The following TRPC6 variants were observed in gnomAD, a reference collection of about 807,000 sequenced individuals.
TRPC6 encodes short transient receptor potential channel 6.
A neutral mutation model predicts 90.7 loss-of-function variants in TRPC6; 55 were observed. The ratio of observed to expected loss-of-function variants is 0.61; its 90% CI spans 0.49 to 0.76. The LOEUF (loss-of-function observed/expected upper bound fraction) is 0.76. TRPC6 is among the 30% of genes least tolerant of loss of function. The probability of loss-of-function intolerance (pLI) is 0.00; values close to 1 mark genes in which losing one functional copy is unlikely to be tolerated. For missense variants in TRPC6, 989 were observed against 1,122.7 expected (o/e 0.88, Z 1.70); for synonymous variants, 393 against 393.0 (o/e 1.00, Z 0.00).
chr11:101,469,126 C>A (rs773252477), intron 10 of TRPC6, among the ~76,000 whole-genome samples: 17 of 152,176 alleles, frequency 1.1e-4, no homozygotes, highest in Non-Finnish European at 2.4e-4. Flanking sequence ...TTAATCATAC[C>A]CTCCATCAGG....
intron 7 of TRPC6, among the ~76,000 whole-genome samples, chr11:101,472,861 CTG>C (rs1859324366): frequency 1.3e-5 from 2 of 152,020 alleles, no homozygotes. Context: ...CCCTGGCAAA[CTG>C]TATTTTAGAG....
intron 1 of TRPC6, among the ~76,000 whole-genome samples, chr11:101,559,777 CT>C (rs66718793): frequency 0.079 from 9,917 of 125,002 alleles, 502 homozygotes; most frequent in Middle Eastern, 0.11. Context: ...AATGCTATCC[CT>C]CCCCCCTCCC....
rs183339639 is a variant in TRPC6, at chr11:101,480,736, G to A, written c.1510+2213C>T. On this transcript the variant is annotated intron_variant, in intron 5 of 12. Transcript: ENST00000344327. Reference sequence around the variant, plus strand: ...TATCTGAAATTTCTTGAACATGTCCGTTGTGCCAAGTACTGTATTATTTAC... The same window carrying A: ...TATCTGAAATTTCTTGAACATGTCCATTGTGCCAAGTACTGTATTATTTAC... 3.6e-3 allele frequency among the ~76,000 whole-genome samples: 554 copies of A among 152,156 alleles called. 6 individuals are homozygous for A. The highest frequency in any genetic ancestry group is 0.012 in the South Asian group (59 of 4,814).
intron 6 of TRPC6, among the ~76,000 whole-genome samples, chr11:101,476,086 G>A (rs1180609502): frequency 6.6e-6 from 1 of 152,152 alleles, no homozygotes; most frequent in African/African-American, 2.4e-5. Context: ...AGGGAGATGA[G>A]TCTTGTGATT....
At chr11:101,468,050 C>G (rs986763808) in intron 10 of TRPC6, among the ~76,000 whole-genome samples, 1 of 152,194 alleles carries the variant, frequency 6.6e-6, no homozygotes, top group Non-Finnish European at 1.5e-5. Flanking sequence ...TGCAATGACC[C>G]TAATCTGCTG....
Position 101,504,602 on chromosome 11 carries a change from A to AGT in TRPC6, c.365_366dup (p.Ser123ThrfsTer46). 1 of 1,613,898 alleles carries AGT rather than the reference A, an allele frequency of 6.2e-7. No individual in the cohort carries two copies. Among genetic ancestry groups the AGT allele is most frequent in the Non-Finnish European group, 8.5e-7 (1 of 1,179,828 alleles). On this transcript the variant is annotated frameshift_variant, in exon 2 of 13. Transcript: ENST00000344327. LOFTEE classifies it high-confidence loss of function. ...TAATCCACACAGTTAACGTTGAGTGAGTGGCATTCTTCTAACATCTTCCGC... is the reference window on the plus strand; with the variant it reads ...TAATCCACACAGTTAACGTTGAGTGAGTGTGGCATTCTTCTAACATCTTCCGC...
intron 5 of TRPC6, among the ~76,000 whole-genome samples, chr11:101,478,669 C>G (rs1859472329): frequency 6.6e-6 from 1 of 152,096 alleles, no homozygotes; most frequent in African/African-American, 2.4e-5. Flanking sequence ...CGCATCAAGT[C>G]CAAGCTTGCC....
chr11:101,525,863 G>A (rs929402665), intron 1 of TRPC6, among the ~76,000 whole-genome samples: 2 of 152,170 alleles, frequency 1.3e-5, no homozygotes, highest in Admixed American at 1.3e-4. Flanking sequence ...AAGAGACTAT[G>A]GCTACAAGCC....
intron 10 of TRPC6, among the ~76,000 whole-genome samples, chr11:101,457,929 A>G (rs1858922352): frequency 6.6e-6 from 1 of 152,208 alleles, no homozygotes; most frequent in South Asian, 2.1e-4. Flanking sequence ...ACTTTAATCT[A>G]CACATACCCC....
intron 10 of TRPC6, among the ~76,000 whole-genome samples, chr11:101,465,936 G>A (rs1591525253): frequency 6.6e-6 from 1 of 152,152 alleles, no homozygotes; most frequent in Non-Finnish European, 1.5e-5. Context: ...CACCATCTTT[G>A]TGGATTTATC....
chr11:101,538,580 T>C (rs1472641933), intron 1 of TRPC6, among the ~76,000 whole-genome samples: 2 of 152,210 alleles, frequency 1.3e-5, no homozygotes, highest in African/African-American at 4.8e-5. Context: ...TAATTAAGGT[T>C]ATAGACTATG....
intron 1 of TRPC6, among the ~76,000 whole-genome samples, chr11:101,560,438 T>G (rs1052463319): frequency 3.3e-5 from 5 of 152,152 alleles, no homozygotes; most frequent in Admixed American, 1.3e-4. Context: ...TTACATCAGA[T>G]TTGCTTTACT....
At chr11:101,496,569 T>C (rs1859953945) in intron 2 of TRPC6, among the ~76,000 whole-genome samples, 1 of 152,226 alleles carries the variant, frequency 6.6e-6, no homozygotes, top group African/African-American at 2.4e-5. Context: ...TCAGCCTTTT[T>C]CTATTGATTG....
At chr11:101,581,484 T>C (rs749325099) in intron 1 of TRPC6, among the ~76,000 whole-genome samples, 1 of 152,202 alleles carries the variant, frequency 6.6e-6, no homozygotes, top group Non-Finnish European at 1.5e-5. Context: ...CAAGTGATTA[T>C]ATGGATTACA....
chr11:101,550,432 G>A (rs1264400398), intron 1 of TRPC6, among the ~76,000 whole-genome samples: 1 of 151,640 alleles, frequency 6.6e-6, no homozygotes, highest in Non-Finnish European at 1.5e-5. Context: ...TTAGAGTGCA[G>A]ATTTATTGAT....
intron 4 of TRPC6, among the ~76,000 whole-genome samples, chr11:101,487,123 T>C (rs2136698514): frequency 6.6e-6 from 1 of 152,234 alleles, no homozygotes; most frequent in Admixed American, 6.5e-5. Context: ...TTGCCAAAAA[T>C]AGTCTGTGTC....
In TRPC6 at chr11:101,524,373, C is replaced by T. The variant is rs138303769; in HGVS notation, c.171-19575G>A. Reference sequence around the variant, plus strand: ...ACGCCATTCTACTGCCTCAGCCTCCCGAGTAGCTGGGACTACAGGCGCCTG... The same window carrying T: ...ACGCCATTCTACTGCCTCAGCCTCCTGAGTAGCTGGGACTACAGGCGCCTG... On this transcript the variant is annotated intron_variant, in intron 1 of 12. Transcript: ENST00000344327. Among the ~76,000 whole-genome samples, 687 of 152,292 alleles carry T rather than the reference C, an allele frequency of 4.5e-3. 6 individuals carry two copies. The highest frequency in any genetic ancestry group is 0.016 in the African/African-American group (658 of 41,560).
At chr11:101,567,817 T>C (rs1861870205) in intron 1 of TRPC6, among the ~76,000 whole-genome samples, 12 of 152,144 alleles carry the variant, frequency 7.9e-5, no homozygotes, top group Admixed American at 7.2e-4. Flanking sequence ...AAAGGAATAG[T>C]ATTAAAATCA....
At position 101,572,347 on chromosome 11, in the gene TRPC6, A is replaced by C. The variant is rs140524636; in HGVS notation, c.170+10987T>G. 3.0e-3 allele frequency among the ~76,000 whole-genome samples: 460 copies of C among 152,340 alleles called. 1 individual carries two copies. The highest frequency in any genetic ancestry group is 0.01 in the African/African-American group (432 of 41,584). On this transcript the variant is annotated intron_variant, in intron 1 of 12. Transcript: ENST00000344327. ...CTTGTTATAATGGTGATCATTAAAA[A>C]GTCTGGAAACAACAGATGCTGGAGA...
Sources: gnomAD v4.1 joint callset for allele counts (sites outside exome capture counted in the v4.1 genomes callset) on GRCh38, gnomAD v4.1.1 for gene constraint, MANE v1.5 for transcripts, NCBI Gene and HGNC (gene_info 2026-07-23, HGNC 2026-07-21) for gene names.